The following TAFA2 variants were observed in gnomAD, a reference collection of about 807,000 sequenced individuals.
TAFA2 encodes the protein chemokine-like protein TAFA-2.
In TAFA2, 7 loss-of-function variants were observed where a neutral mutation model predicts 18.8. The ratio of observed to expected loss-of-function variants is 0.37; its 90% confidence interval spans 0.21 to 0.70. The LOEUF is 0.70. Ranked by LOEUF, TAFA2 falls within the 30% of genes least tolerant of loss-of-function variation. The pLI, the probability that TAFA2 is intolerant of heterozygous loss-of-function variation, is 0.53. For synonymous variants in TAFA2, 60 were observed against 54.2 expected (o/e 1.11, Z -0.47); for missense variants, 122 against 158.1 (o/e 0.77, Z 1.23).
chr12:62,100,186 T>C (rs968427846), intron 1 of TAFA2, among the ~76,000 whole-genome samples: 1 of 151,186 alleles, frequency 6.6e-6, no homozygotes, highest in Admixed American at 6.6e-5. Context: ...TTCAAGTTTG[T>C]TCTTTCAATC....
At chr12:62,106,639 T>A (rs1250870381) in intron 1 of TAFA2, among the ~76,000 whole-genome samples, 1 of 152,206 alleles carries the variant, frequency 6.6e-6, no homozygotes, top group Admixed American at 6.5e-5. Context: ...GCCTGCTTGA[T>A]GAGAATCTGT....
chr12:61,861,715 G>T (rs12826571), intron 2 of TAFA2, among the ~76,000 whole-genome samples: 3 of 151,986 alleles, frequency 2.0e-5, no homozygotes, highest in Non-Finnish European at 4.4e-5. Flanking sequence ...ATGTCTCCCA[G>T]GCTTTGAACT....
At chr12:61,733,379 T>G (rs1405875425) in intron 4 of TAFA2, among the ~76,000 whole-genome samples, 2 of 152,104 alleles carry the variant, frequency 1.3e-5, no homozygotes, top group African/African-American at 4.8e-5. Context: ...ATGCCCAGGT[T>G]TTCTTCTAGG....
intron 1 of TAFA2, among the ~76,000 whole-genome samples, chr12:62,072,832 T>C (rs1176280877): frequency 6.6e-6 from 1 of 152,086 alleles, no homozygotes; most frequent in Non-Finnish European, 1.5e-5. Context: ...TACCGAATGA[T>C]CCAAATAAGA....
At chr12:62,230,808 A>G (rs1302286743) in intron 1 of TAFA2, among the ~76,000 whole-genome samples, 1 of 152,136 alleles carries the variant, frequency 6.6e-6, no homozygotes, top group African/African-American at 2.4e-5. Context: ...CTCTCAACTA[A>G]CAGAGACCAC....
chr12:62,140,404 T>C (rs913893269), intron 1 of TAFA2: 4 of 152,186 alleles, frequency 2.6e-5, no homozygotes, highest in African/African-American at 7.2e-5. Flanking sequence ...CTTCTGGTGC[T>C]ATCCATATCT....
chr12:62,041,041 C>G (rs958990325), intron 1 of TAFA2, among the ~76,000 whole-genome samples: 1 of 152,022 alleles, frequency 6.6e-6, no homozygotes, highest in South Asian at 2.1e-4. Flanking sequence ...TTATTCAGAC[C>G]GTTTTTATCA....
At chr12:61,740,310 A>C (rs552866717) in intron 4 of TAFA2, among the ~76,000 whole-genome samples, 1 of 151,932 alleles carries the variant, frequency 6.6e-6, no homozygotes, top group African/African-American at 2.4e-5. Flanking sequence ...GGTGGGGGGG[A>C]ATATCACACA....
At chr12:62,066,945 T>C (rs997746283) in intron 1 of TAFA2, among the ~76,000 whole-genome samples, 4 of 152,104 alleles carry the variant, frequency 2.6e-5, no homozygotes, top group Non-Finnish European at 5.9e-5. Flanking sequence ...TGTAGAGGGT[T>C]CCCTTTTCTC....
intron 1 of TAFA2, among the ~76,000 whole-genome samples, chr12:62,057,937 T>C (rs1357774419): frequency 6.6e-6 from 1 of 152,210 alleles, no homozygotes; most frequent in Non-Finnish European, 1.5e-5. Context: ...ACTTCTGAAT[T>C]CATTATTTAT....
At chr12:61,929,344 G>T (rs982110955) in intron 1 of TAFA2, among the ~76,000 whole-genome samples, 1 of 152,026 alleles carries the variant, frequency 6.6e-6, no homozygotes, top group Non-Finnish European at 1.5e-5. Flanking sequence ...AGTGGGCGAA[G>T]GATATGAACA....
intron 2 of TAFA2, among the ~76,000 whole-genome samples, chr12:61,823,612 T>C (rs1486727258): frequency 6.6e-6 from 1 of 152,182 alleles, no homozygotes; most frequent in East Asian, 1.9e-4. Flanking sequence ...CATCGCATTC[T>C]GCATTGGTGT....
rs1565744896 is a variant in TAFA2, at chr12:61,709,854, A to T, written c.*552T>A. 6.6e-6 allele frequency: 1 copy of T among 152,306 alleles called. No individual in the cohort carries two copies. Among genetic ancestry groups the T allele is most frequent in the Non-Finnish European group, 1.5e-5 (1 of 68,140 alleles). The allele number at this position is 152,306 out of a possible 1,614,324, so 9.4% of individuals were successfully genotyped here. A position where few individuals can be genotyped will look rare whatever the true frequency, so the allele number is the denominator to read the frequency against. ...CCATTCCTTTAACAAAAGCAACTTT[A>T]AGATGTTAAAACATGTAGGCTTTCT... is the stretch of plus-strand genomic sequence containing the variant. On this transcript the variant is annotated 3_prime_UTR_variant, in exon 5 of 5. Coordinates refer to ENST00000416284, the MANE Select transcript of TAFA2 (RefSeq NM_178539.5).
chr12:61,800,907 A>G (rs1871374339), intron 2 of TAFA2, among the ~76,000 whole-genome samples: 1 of 152,166 alleles, frequency 6.6e-6, no homozygotes, highest in Non-Finnish European at 1.5e-5. Context: ...CACATGGGGC[A>G]AAGAGAAAAA....
chr12:62,102,682 T>G (rs1474241960), intron 1 of TAFA2, among the ~76,000 whole-genome samples: 2 of 152,130 alleles, frequency 1.3e-5, no homozygotes, highest in Non-Finnish European at 2.9e-5. Flanking sequence ...ACCTCCTAAA[T>G]CTGAACAATT....
At chr12:61,799,232 T>G (rs1312500217) in intron 2 of TAFA2, among the ~76,000 whole-genome samples, 2 of 152,220 alleles carry the variant, frequency 1.3e-5, no homozygotes, top group Non-Finnish European at 2.9e-5. Context: ...TCTCTTTCTC[T>G]TCTCACAAAA....
At chr12:61,727,296 G>C (rs909071916) in intron 4 of TAFA2, among the ~76,000 whole-genome samples, 8 of 151,634 alleles carry the variant, frequency 5.3e-5, no homozygotes, top group African/African-American at 1.9e-4. Flanking sequence ...CTGTAGAATT[G>C]GTACCAATTC....
intron 1 of TAFA2, among the ~76,000 whole-genome samples, chr12:62,169,498 A>G (rs2062462420): frequency 1.3e-5 from 2 of 152,180 alleles, no homozygotes; most frequent in Non-Finnish European, 2.9e-5. Flanking sequence ...ATTGGTTATA[A>G]TAATTCGTAA....
chr12:62,013,161 A>G (rs1012170667), intron 1 of TAFA2, among the ~76,000 whole-genome samples: 1 of 152,214 alleles, frequency 6.6e-6, no homozygotes, highest in African/African-American at 2.4e-5. Flanking sequence ...GCTGCTTAAG[A>G]AGGATTAGAC....
Sources: allele counts gnomAD v4.1 joint callset (sites outside exome capture counted in the v4.1 genomes callset), GRCh38; gene constraint gnomAD v4.1.1; transcripts MANE v1.5; gene names NCBI Gene and HGNC (gene_info 2026-07-23, HGNC 2026-07-21).